MEOX1: variants seen among roughly 807,000 people sequenced by gnomAD.
MEOX1 encodes the protein mesenchyme homeobox 1, also known as homeobox protein MOX-1.
In MEOX1, 17 loss-of-function variants were observed where a neutral mutation model predicts 23.2. The ratio of observed to expected loss-of-function variants is 0.73; its 90% CI spans 0.50 to 1.10. The LOEUF (loss-of-function observed/expected upper bound fraction) is 1.10. Among genes scored for constraint, MEOX1 ranks in the 50% least tolerant of loss-of-function variants. The pLI is 0.00. For missense variants in MEOX1, 333 were observed against 332.2 expected (o/e 1.00, Z -0.02); for synonymous variants, 134 against 135.1 (o/e 0.99, Z 0.06).
intron 1 of MEOX1, among the ~76,000 whole-genome samples, chr17:43,647,581 G>T (rs1598261821): frequency 6.6e-6 from 1 of 152,066 alleles, no homozygotes; most frequent in Non-Finnish European, 1.5e-5. Flanking sequence ...GAGGTCCTGG[G>T]GTCACCACCC....
In MEOX1 at chr17:43,643,652, C is replaced by T. The variant is rs1972746371; in HGVS notation, c.478G>A (p.Glu160Lys). 1.2e-6 allele frequency: 2 copies of T among 1,612,826 alleles called. No homozygotes were observed. Among genetic ancestry groups the T allele is most frequent in the Non-Finnish European group, 1.7e-6 (2 of 1,179,644 alleles). ...RRRKESSDNQ[E>K]NRGKPEGSSK... The stretch of plus-strand genomic sequence containing the variant: ...CTGCCCTCCGGCTTCCCTCTGTTCT[C>T]CTGGTTGTCTGGGGAGAGAGGACCC... Residue 160 changes from glutamate to lysine, a missense_variant, in exon 2 of 3, where the codon GAG becomes AAG. Physicochemically the swap from Glu to Lys is moderately conservative, Grantham distance 56 (BLOSUM62 1). Coordinates refer to ENST00000318579, the MANE Select transcript of MEOX1 (RefSeq NM_004527.4).
chr17:43,651,869 CACG>C (rs1364346344), intron 1 of MEOX1, among the ~76,000 whole-genome samples: 4 of 152,332 alleles, frequency 2.6e-5, no homozygotes, highest in Middle Eastern at 3.4e-3. Context: ...TCTTACAGCT[CACG>C]GGCTCATTGG....
intron 1 of MEOX1, among the ~76,000 whole-genome samples, chr17:43,657,012 C>CTCCTTCTT (rs1555567821): frequency 3.7e-4 from 39 of 105,146 alleles, no homozygotes; most frequent in South Asian, 1.6e-3. Context: ...TTCTTTCTTT[C>CTCCTTCTT]TCTTTCTTTC....
At chr17:43,651,859 T>G (rs12941802) in intron 1 of MEOX1, among the ~76,000 whole-genome samples, 22,113 of 152,198 alleles carry the variant, frequency 0.15, 4,099 homozygotes, top group African/African-American at 0.44. Context: ...GGGCTGACCT[T>G]CTTACAGCTC....
intron 2 of MEOX1, among the ~76,000 whole-genome samples, chr17:43,642,289 A>T (rs1598258471): frequency 6.6e-6 from 1 of 151,410 alleles, no homozygotes; most frequent in African/African-American, 2.4e-5. Context: ...CATTGGCCCC[A>T]CCCCCTTCAC....
At chr17:43,645,972 G>T (rs1045647973) in intron 1 of MEOX1, among the ~76,000 whole-genome samples, 2 of 152,252 alleles carry the variant, frequency 1.3e-5, no homozygotes, top group African/African-American at 2.4e-5. Context: ...TCCGCCGGGG[G>T]ATGGAAGGGG....
chr17:43,652,932 C>T (rs1353227887), intron 1 of MEOX1, among the ~76,000 whole-genome samples: 1 of 146,478 alleles, frequency 6.8e-6, no homozygotes, highest in Admixed American at 7.0e-5. Context: ...CCCAGGTTCA[C>T]GCCATTTTCC....
chr17:43,642,236 G>A (rs1301949590), intron 2 of MEOX1, among the ~76,000 whole-genome samples: 2 of 152,114 alleles, frequency 1.3e-5, no homozygotes, highest in Non-Finnish European at 2.9e-5. Flanking sequence ...TTGTGGCTTC[G>A]GATAAAGCCC....
At position 43,661,319 on chromosome 17, in the gene MEOX1, G is replaced by C. The variant is rs528473642; in HGVS notation, c.216C>G (p.His72Gln). Residue 72 changes from histidine (H) to glutamine (Q), a missense_variant, in exon 1 of 3, where the codon CAC (histidine) becomes CAG (glutamine). Coordinates refer to ENST00000318579, the MANE Select transcript of MEOX1 (RefSeq NM_004527.4). Reference sequence around the variant, plus strand: ...AGATGTGCTCCTCCTGGGGCAGGCTGTGTGGGGTGGCTGCCAGGCAGGAGG... The same window carrying C: ...AGATGTGCTCCTCCTGGGGCAGGCTCTGTGGGGTGGCTGCCAGGCAGGAGG... ...FSASCLAATPHSLPQEEHIFT... is the reference protein window; with the variant it reads ...FSASCLAATPQSLPQEEHIFT... The C allele has an allele frequency of 6.2e-7, 1 of 1,613,090 alleles. No homozygotes were observed. Among genetic ancestry groups the C allele is most frequent in the South Asian group, 1.1e-5 (1 of 90,894 alleles).
rs918104792 is a variant in MEOX1 at position 43,641,215 on chromosome 17, C to G, written c.*695G>C. ...CCCAGTCAAGCCTGTGTGGACGGGC[C>G]TATATGGGGACACCGAAACCTACAT... On this transcript the variant is annotated 3_prime_UTR_variant, in exon 3 of 3. Transcript: ENST00000318579. 8 of 152,028 alleles carry G rather than the reference C, an allele frequency of 5.3e-5. No individual in the cohort carries two copies. Among genetic ancestry groups the G allele is most frequent in the African/African-American group, 1.9e-4 (8 of 41,378 alleles). The allele number at this position is 152,028 out of a possible 1,614,324, so 9.4% of individuals were successfully genotyped here.
chr17:43,646,013 AGGCGG>A (rs1972804098), intron 1 of MEOX1, among the ~76,000 whole-genome samples: 1 of 152,174 alleles, frequency 6.6e-6, no homozygotes, highest in African/African-American at 2.4e-5. Context: ...GAACTCGAGA[AGGCGG>A]GGGAGGGGCC....
At chr17:43,650,366 C>T (rs1428798209) in intron 1 of MEOX1, among the ~76,000 whole-genome samples, 1 of 152,176 alleles carries the variant, frequency 6.6e-6, no homozygotes, top group Non-Finnish European at 1.5e-5. Flanking sequence ...AAGCTCTTTC[C>T]ACCCTATTGG....
intron 1 of MEOX1, among the ~76,000 whole-genome samples, chr17:43,655,649 C>T (rs907701076): frequency 4.7e-5 from 6 of 126,796 alleles, no homozygotes; most frequent in South Asian, 2.7e-4. Context: ...CATAGCAAGA[C>T]CCTGTCTTTC....
At chr17:43,650,785 G>A (rs377063454) in intron 1 of MEOX1, among the ~76,000 whole-genome samples, 175 of 152,272 alleles carry the variant, frequency 1.1e-3, no homozygotes, top group African/African-American at 3.9e-3. Context: ...AAAGCCCGTC[G>A]AAATAGACAA....
chr17:43,653,916 G>T (rs990389270), intron 1 of MEOX1, among the ~76,000 whole-genome samples: 1 of 152,152 alleles, frequency 6.6e-6, no homozygotes, highest in African/African-American at 2.4e-5. Context: ...TCTACCAGCC[G>T]ACAGGACCCT....
chr17:43,657,170 C>CTTTTT (rs57432395), intron 1 of MEOX1, among the ~76,000 whole-genome samples: 30 of 81,716 alleles, frequency 3.7e-4, no homozygotes, highest in Admixed American at 4.9e-4. Flanking sequence ...TTCTTTCTTT[C>CTTTTT]TTTTTTTTTT....
chr17:43,656,854 G>T (rs1973028890), intron 1 of MEOX1, among the ~76,000 whole-genome samples: 1 of 152,008 alleles, frequency 6.6e-6, no homozygotes, highest in Admixed American at 6.5e-5. Context: ...CCTGCCAGCA[G>T]GGGTCTTTAA....
intron 1 of MEOX1, among the ~76,000 whole-genome samples, chr17:43,660,178 A>T (rs1460367902): frequency 6.6e-6 from 1 of 152,220 alleles, no homozygotes; most frequent in Non-Finnish European, 1.5e-5. Context: ...GTGGACAGGT[A>T]TAGTGAGCAA....
At chr17:43,652,474 A>G (rs933012012) in intron 1 of MEOX1, among the ~76,000 whole-genome samples, 5 of 152,152 alleles carry the variant, frequency 3.3e-5, no homozygotes, top group Non-Finnish European at 7.3e-5. Context: ...GCCAGGGGTT[A>G]CCAAGTGTTG....
Sources: gnomAD v4.1 joint callset for allele counts (sites outside exome capture counted in the v4.1 genomes callset) on GRCh38, gnomAD v4.1.1 for gene constraint, MANE v1.5 for transcripts, NCBI Gene and HGNC (gene_info 2026-07-23, HGNC 2026-07-21) for gene names.